Variants in GRAP2 observed in about 807,000 individuals in gnomAD.
The protein encoded by GRAP2 is GRB2-related adapter protein 2.
In GRAP2, 31 loss-of-function variants were observed where a neutral mutation model predicts 43.5. The ratio of observed to expected loss-of-function variants is 0.71; its 90% confidence interval spans 0.54 to 0.96. The LOEUF (loss-of-function observed/expected upper bound fraction) is 0.96. Among genes scored for constraint, GRAP2 ranks in the 40% least tolerant of loss-of-function variants. GRAP2 has a pLI of 0.00. For synonymous variants in GRAP2, 156 were observed against 164.8 expected, an observed-to-expected ratio of 0.95 and a Z score of 0.41; for missense variants, 371 against 424.4, an observed-to-expected ratio of 0.87 and a Z score of 1.11.
At chr22:39,914,703 G>T (rs2066590639) in intron 1 of GRAP2, among the ~76,000 whole-genome samples, 2 of 152,082 alleles carry the variant, frequency 1.3e-5, no homozygotes, top group African/African-American at 4.8e-5. Flanking sequence ...TGGTGTCCTG[G>T]TTGTTTTTGC....
chr22:39,970,538 C>G (rs1255983928), intron 7 of GRAP2, among the ~76,000 whole-genome samples: 1 of 152,168 alleles, frequency 6.6e-6, no homozygotes, highest in Non-Finnish European at 1.5e-5. Flanking sequence ...ACAATAACAT[C>G]TGTTGGTAAA....
intron 1 of GRAP2, among the ~76,000 whole-genome samples, chr22:39,902,750 A>G (rs979891851): frequency 3.3e-5 from 5 of 152,230 alleles, no homozygotes; most frequent in African/African-American, 1.2e-4. Context: ...TATCTCCCAC[A>G]TCTTAGGCCC....
chr22:39,920,042 A>G lies in GRAP2; in HGVS notation c.-15+18712A>G, dbSNP rs73885615. ...TTGTAGTGGAGGACCCAATGTCAAAAAAGCAAGTGCTTTTCCCAGACCATG... is the reference window on the plus strand; with the variant it reads ...TTGTAGTGGAGGACCCAATGTCAAAGAAGCAAGTGCTTTTCCCAGACCATG... On this transcript the variant is annotated intron_variant, in intron 1 of 7. Transcript: ENST00000344138. 6.5e-3 allele frequency among the ~76,000 whole-genome samples: 994 copies of G among 152,312 alleles called. 14 individuals carry two copies. Among genetic ancestry groups the G allele is most frequent in the African/African-American group, 0.023 (948 of 41,552 alleles).
chr22:39,967,305 T>C (rs2067184672), intron 5 of GRAP2, among the ~76,000 whole-genome samples: 1 of 152,120 alleles, frequency 6.6e-6, no homozygotes, highest in South Asian at 2.1e-4. Context: ...TGTGAATCAC[T>C]CTAACCAGGA....
intron 1 of GRAP2, among the ~76,000 whole-genome samples, chr22:39,934,140 G>A (rs186992457): frequency 6.6e-6 from 1 of 152,266 alleles, no homozygotes; most frequent in East Asian, 1.9e-4. Flanking sequence ...TTCCTGTGGG[G>A]TTATTAGAGT....
At chr22:39,913,513 G>A (rs2066582132) in intron 1 of GRAP2, among the ~76,000 whole-genome samples, 1 of 152,178 alleles carries the variant, frequency 6.6e-6, no homozygotes, top group Non-Finnish European at 1.5e-5. Context: ...TGCTGAGTCA[G>A]CCAAGTGTTC....
upstream of GRAP2, among the ~76,000 whole-genome samples, chr22:39,900,863 G>C (rs1204606942): frequency 6.6e-6 from 1 of 152,190 alleles, no homozygotes; most frequent in Non-Finnish European, 1.5e-5. Context: ...TCAGCTTGCT[G>C]ATGGACCATA....
chr22:39,946,805 G>A, intron 1 of GRAP2: 1 of 321,668 alleles, frequency 3.1e-6, no homozygotes, highest in South Asian at 4.4e-5. Context: ...CCCAAAAGTG[G>A]TGTCAGGCCA....
intron 1 of GRAP2, chr22:39,946,791 T>C (rs1357252036): frequency 6.7e-6 from 2 of 297,792 alleles, no homozygotes; most frequent in African/African-American, 4.3e-5. Flanking sequence ...CAAACAGAGA[T>C]GCCCCCAAAA....
chr22:39,945,915 C>G (rs902920970), intron 1 of GRAP2, among the ~76,000 whole-genome samples: 2 of 152,176 alleles, frequency 1.3e-5, no homozygotes, highest in African/African-American at 4.8e-5. Flanking sequence ...GGCTGGAGTA[C>G]AGTGGCATGA....
intron 1 of GRAP2, among the ~76,000 whole-genome samples, chr22:39,906,160 A>G (rs1163767334): frequency 1.3e-5 from 2 of 152,186 alleles, no homozygotes; most frequent in Non-Finnish European, 2.9e-5. Flanking sequence ...GGGGTGGAAG[A>G]TGATATTTTG....
chr22:39,948,542 T>G (rs979047857), intron 2 of GRAP2: 1 of 152,042 alleles, frequency 6.6e-6, no homozygotes, highest in Non-Finnish European at 1.5e-5. Flanking sequence ...AAAAAAAACT[T>G]TGCTCAACTC....
In GRAP2 at chr22:39,921,411, A is replaced by G. The variant is rs185108771; in HGVS notation, c.-15+20081A>G. On this transcript the variant is annotated intron_variant, in intron 1 of 7. Transcript: ENST00000344138. ...CATTTAGAGCTGTGCCTGATTCCGA[A>G]TGTGAGTTATCTGTAATAGTGACTT... is the stretch of plus-strand genomic sequence containing the variant. 6.6e-5 allele frequency among the ~76,000 whole-genome samples: 10 copies of G among 152,344 alleles called. No homozygotes were observed. The East Asian group carries it at 1.5e-3, about 23-fold the overall frequency.
chr22:39,923,859 G>A (rs1328968893), intron 1 of GRAP2, among the ~76,000 whole-genome samples: 1 of 152,198 alleles, frequency 6.6e-6, no homozygotes, highest in Non-Finnish European at 1.5e-5. Flanking sequence ...TACAAATTCT[G>A]CACAGTTGTA....
chr22:39,929,630 C>G lies in GRAP2; in HGVS notation c.-14-17463C>G, dbSNP rs1350724814. Among the ~76,000 whole-genome samples, 33 of 152,180 alleles carry G rather than the reference C, an allele frequency of 2.2e-4. 1 individual carries two copies. The highest frequency in any genetic ancestry group is 2.2e-3 in the Admixed American group (33 of 15,278). ...GAACTCCTCCGCATGACCAAGGTGTCCCATCCCTCCCTGCTGTCTCCAAAG... is the reference window on the plus strand; with the variant it reads ...GAACTCCTCCGCATGACCAAGGTGTGCCATCCCTCCCTGCTGTCTCCAAAG... On this transcript the variant is annotated intron_variant, in intron 1 of 7. Coordinates refer to ENST00000344138, the MANE Select transcript of GRAP2 (RefSeq NM_004810.4).
intron 3 of GRAP2, among the ~76,000 whole-genome samples, chr22:39,956,269 C>T (rs1054882387): frequency 6.6e-6 from 1 of 151,326 alleles, no homozygotes; most frequent in Non-Finnish European, 1.5e-5. Context: ...GCCATCCTCT[C>T]ACCTCAGCCT....
At chr22:39,910,409 C>A (rs993836299) in intron 1 of GRAP2, among the ~76,000 whole-genome samples, 19 of 151,992 alleles carry the variant, frequency 1.3e-4, no homozygotes, top group Admixed American at 6.5e-4. Context: ...TTTTTCTTTT[C>A]TTTTTTTCTT....
At chr22:39,945,394 T>C (rs1483538954) in intron 1 of GRAP2, among the ~76,000 whole-genome samples, 1 of 152,244 alleles carries the variant, frequency 6.6e-6, no homozygotes, top group Non-Finnish European at 1.5e-5. Context: ...TATCACCCTG[T>C]TGCAGTCGGC....
chr22:39,967,521 A>G (rs1048505976), intron 5 of GRAP2, among the ~76,000 whole-genome samples: 7 of 152,220 alleles, frequency 4.6e-5, no homozygotes, highest in African/African-American at 1.7e-4. Flanking sequence ...ACATTAGGGA[A>G]AAAGGCCTTA....
Sources: gnomAD v4.1 joint callset for allele counts (sites outside exome capture counted in the v4.1 genomes callset) on GRCh38, gnomAD v4.1.1 for gene constraint, MANE v1.5 for transcripts, NCBI Gene and HGNC (gene_info 2026-07-23, HGNC 2026-07-21) for gene names.